The following APOBEC3D variants were observed in gnomAD, a reference collection of about 807,000 sequenced individuals.
APOBEC3D encodes apolipoprotein B mRNA editing enzyme catalytic subunit 3D.
A neutral mutation model predicts 45.6 loss-of-function variants in APOBEC3D; 37 were observed. That is an observed-to-expected ratio of 0.81 (90% CI 0.62 to 1.07). APOBEC3D has a LOEUF of 1.07. Ranked by LOEUF, APOBEC3D falls within the 50% of genes least tolerant of loss-of-function variation. The pLI, the probability that APOBEC3D is intolerant of heterozygous loss-of-function variation, is 0.00. For synonymous variants in APOBEC3D, 175 were observed against 180.7 expected (o/e 0.97, Z 0.25); for missense variants, 496 against 495.3 (o/e 1.00, Z -0.01).
chr22:39,025,709 T>C (rs1925584229), intron 4 of APOBEC3D, 38 bp downstream of exon 4: 1 of 1,613,466 alleles, frequency 6.2e-7, no homozygotes, highest in African/African-American at 1.3e-5. Flanking sequence ...CTCTCTCCTC[T>C]CGCCTCCTGC....
In APOBEC3D at chr22:39,021,443, A is replaced by C; in HGVS notation, c.-77A>C. On this transcript the variant is annotated 5_prime_UTR_variant, in exon 1 of 7. Transcript: ENST00000216099. Reference sequence around the variant, plus strand: ...TAAGGAGGGCTGTCCAACTGCAAGGAGCCGCAAGCAGGAAGTGAAACCACA... The same window carrying C: ...TAAGGAGGGCTGTCCAACTGCAAGGCGCCGCAAGCAGGAAGTGAAACCACA... 1 of 1,609,422 alleles carries C rather than the reference A, an allele frequency of 6.2e-7. No individual in the cohort carries two copies. Among genetic ancestry groups the C allele is most frequent in the Middle Eastern group, 1.7e-4 (1 of 6,052 alleles).
intron 1 of APOBEC3D, 91 bp from the exon 2 acceptor site, chr22:39,022,731 G>A (rs2179234): frequency 0.35 from 522,176 of 1,482,022 alleles, 93,416 homozygotes; most frequent in Middle Eastern, 0.44. Flanking sequence ...GGAGGCCCAG[G>A]GCCGTCCCGG....
chr22:39,029,857 C>G (rs1926037348), intron 5 of APOBEC3D, among the ~76,000 whole-genome samples: 2 of 152,218 alleles, frequency 1.3e-5, no homozygotes, highest in Non-Finnish European at 2.9e-5. Flanking sequence ...GCGATCCGCC[C>G]CGCTTGGCCT....
chr22:39,027,355 A>T (rs1925775577), intron 4 of APOBEC3D, among the ~76,000 whole-genome samples: 1 of 152,150 alleles, frequency 6.6e-6, no homozygotes, highest in East Asian at 1.9e-4. Flanking sequence ...GCAAGGGGGA[A>T]GCAGACACCT....
chr22:39,028,586 G>A (rs1463730147), intron 4 of APOBEC3D, among the ~76,000 whole-genome samples: 1 of 152,210 alleles, frequency 6.6e-6, no homozygotes, highest in African/African-American at 2.4e-5. Flanking sequence ...GGCAGATCAC[G>A]AAGTCAGTTC....
chr22:39,027,975 A>G (rs1253696830), intron 4 of APOBEC3D, among the ~76,000 whole-genome samples: 1 of 152,220 alleles, frequency 6.6e-6, no homozygotes, highest in African/African-American at 2.4e-5. Context: ...AACTGGGAGA[A>G]TTGAACCAAA....
chr22:39,028,949 G>A (rs185936831), intron 4 of APOBEC3D, among the ~76,000 whole-genome samples: 4 of 152,170 alleles, frequency 2.6e-5, no homozygotes, highest in African/African-American at 4.8e-5. Context: ...AAATAAATTC[G>A]CTGTGATCCC....
At chr22:39,023,960 T>G (rs1395643815) in intron 2 of APOBEC3D, among the ~76,000 whole-genome samples, 2 of 151,694 alleles carry the variant, frequency 1.3e-5, no homozygotes, top group Non-Finnish European at 2.9e-5. Context: ...CTTTTCAGAG[T>G]GTGTTTGGGG....
rs1926406541 is a variant in APOBEC3D at position 39,033,222 on chromosome 22, A to C, written c.*906A>C. Reference sequence around the variant, plus strand: ...ACAGATCAAGACCCTGCCTGAAAATAAATCAATAAATACACTCAACCTAAA... The same window carrying C: ...ACAGATCAAGACCCTGCCTGAAAATCAATCAATAAATACACTCAACCTAAA... On this transcript the variant is annotated 3_prime_UTR_variant, in exon 7 of 7. Coordinates refer to ENST00000216099, the MANE Select transcript of APOBEC3D (RefSeq NM_152426.4). 1 of 971,132 alleles carries C rather than the reference A, an allele frequency of 1.0e-6. No individual in the cohort carries two copies. The highest frequency in any genetic ancestry group is 6.2e-5 in the Admixed American group (1 of 16,214). The allele number at this position is 971,132 out of a possible 1,614,324, so 60.2% of individuals were successfully genotyped here.
At position 39,032,222 on chromosome 22, in the gene APOBEC3D, T is replaced by C. The variant is rs1459855927; in HGVS notation, c.1067T>C (p.Phe356Ser). 5 of 1,614,020 alleles carry C rather than the reference T, an allele frequency of 3.1e-6. No homozygotes were observed. Residue 356 changes from phenylalanine to serine, a missense_variant, in exon 7 of 7, where the codon TTT becomes TCT. By Grantham distance (155) the Phe-to-Ser change is radical (BLOSUM62 -2). Transcript: ENST00000216099. The part of the protein sequence containing the change: ...YKDFVSCWKN[F>S]VYSDDEPFKP... ...GATTTTGTATCTTGTTGGAAAAACT[T>C]TGTGTACAGTGATGATGAGCCATTC...
chr22:39,021,180 T>C lies in APOBEC3D; in HGVS notation c.-340T>C. 4.2e-6 allele frequency: 1 copy of C among 236,152 alleles called. No individual in the cohort carries two copies. Among genetic ancestry groups the C allele is most frequent in the Admixed American group, 4.7e-5 (1 of 21,354 alleles). 14.6% of individuals were successfully genotyped at this position (236,152 alleles called of 1,614,324 possible). ...TGGAGTGCAGTGGCAGGAACTTGGC[T>C]CACTGCAACCTCCGCTTCCCAGGTT... On this transcript the variant is annotated 5_prime_UTR_variant, in exon 1 of 7. Coordinates refer to ENST00000216099, the MANE Select transcript of APOBEC3D (RefSeq NM_152426.4).
chr22:39,030,812 G>A (rs539956529), intron 5 of APOBEC3D, among the ~76,000 whole-genome samples: 139 of 152,256 alleles, frequency 9.1e-4, no homozygotes, highest in African/African-American at 2.9e-3. Flanking sequence ...GCCAGAATTC[G>A]CACTTGAGGG....
intron 5 of APOBEC3D, among the ~76,000 whole-genome samples, chr22:39,030,875 C>T (rs1034360644): frequency 6.6e-5 from 10 of 152,194 alleles, no homozygotes; most frequent in African/African-American, 9.6e-5. Context: ...GGGCCAAGCG[C>T]GGTGGCTCAC....
intron 1 of APOBEC3D, among the ~76,000 whole-genome samples, chr22:39,022,366 C>T (rs1396237382): frequency 6.6e-6 from 1 of 152,216 alleles, no homozygotes; most frequent in Non-Finnish European, 1.5e-5. Context: ...CACATGAGCC[C>T]ACCCCCACGC....
intron 2 of APOBEC3D, 109 bp downstream of exon 2, chr22:39,023,123 T>TTATTTATTTATTTATTTATG (rs1925289471): frequency 1.0e-6 from 1 of 958,414 alleles, no homozygotes; most frequent in African/African-American, 1.7e-5. Flanking sequence ...ATTTATTTAT[T>TTATTTATTTATTTATTTATG]TATTTATTTT....
intron 4 of APOBEC3D, among the ~76,000 whole-genome samples, chr22:39,026,809 G>C (rs374765427): frequency 1.3e-5 from 2 of 151,272 alleles, no homozygotes; most frequent in African/African-American, 4.9e-5. Flanking sequence ...CTGGAGTGCT[G>C]TGGTGCGATC....
At chr22:39,026,882 C>T (rs1925725405) in intron 4 of APOBEC3D, among the ~76,000 whole-genome samples, 2 of 151,986 alleles carry the variant, frequency 1.3e-5, no homozygotes, top group African/African-American at 4.8e-5. Context: ...CTCCCAAGTA[C>T]CTGGGATTAC....
Position 39,025,579 on chromosome 22 carries a change from C to T in APOBEC3D, c.513C>T (p.Asn171=). Residue 171 remains asparagine, a synonymous_variant, in exon 4 of 7, where the codon AAC becomes AAT. Transcript: ENST00000216099. ...DYEDFAYCWE[N]FVCNEGQPFM... is the part of the protein sequence containing the mutation. ...CAGACTTTGCATACTGCTGGGAAAA[C>T]TTTGTGTGCAATGAAGGTCAGCCAT... The T allele has an allele frequency of 1.2e-6, 2 of 1,614,130 alleles. No homozygotes were observed. Among genetic ancestry groups the T allele is most frequent in the Non-Finnish European group, 8.5e-7 (1 of 1,180,012 alleles).
intron 4 of APOBEC3D, 125 bp from the exon 5 acceptor site, chr22:39,029,238 C>T: frequency 9.2e-7 from 1 of 1,092,502 alleles, no homozygotes; most frequent in South Asian, 1.6e-5. Flanking sequence ...GGGAAAGCAG[C>T]AGACATTCCC....
Sources: allele counts gnomAD v4.1 joint callset (sites outside exome capture counted in the v4.1 genomes callset), GRCh38; gene constraint gnomAD v4.1.1; transcripts MANE v1.5; gene names NCBI Gene and HGNC (gene_info 2026-07-23, HGNC 2026-07-21).